APC: variants seen among roughly 807,000 people sequenced by gnomAD.
APC encodes the protein APC regulator of Wnt signaling pathway, also known as adenomatous polyposis coli protein.
APC carries 72 observed loss-of-function variants against 247.0 expected under a neutral mutation model. The observed-to-expected ratio is 0.29, with a 90% CI of 0.24 to 0.35. The LOEUF (loss-of-function observed/expected upper bound fraction) is 0.35. APC is among the 10% of genes least tolerant of loss of function. APC has a pLI of 1.00. For missense variants in APC, 3,400 were observed against 3,360.7 expected (o/e 1.01, Z -0.29); for synonymous variants, 1,254 against 1,162.5 (o/e 1.08, Z -1.60).
chr5:112,767,490 T>C, intron 4 of APC, 100 bp downstream of exon 4: 1 of 949,906 alleles, frequency 1.1e-6, no homozygotes. Context: ...AGGTGATAGC[T>C]AACACTTAGA....
At position 112,741,791 on chromosome 5, in the gene APC, C is replaced by A. The variant is rs900025577; in HGVS notation, c.-19+3866C>A. On this transcript the variant is annotated intron_variant, in intron 1 of 15. Transcript: ENST00000257430. The stretch of plus-strand genomic sequence containing the variant: ...ACTAACATGCCATTTTCCCCTCCCC[C>A]CAACCCTTGGCAACCACCACTCCAC... 1.3e-4 allele frequency among the ~76,000 whole-genome samples: 20 copies of A among 152,206 alleles called. No homozygotes were observed. In the South Asian group the frequency reaches 3.9e-3, roughly 30 times the overall value.
chr5:112,728,129 T>G (rs1341488686), intron 1 of APC, among the ~76,000 whole-genome samples: 9 of 151,978 alleles, frequency 5.9e-5, no homozygotes, highest in African/African-American at 2.2e-4. Context: ...TACTGTGTTT[T>G]TTGTTGTTGT....
At chr5:112,717,939 C>G (rs201244560) in intron 1 of APC, among the ~76,000 whole-genome samples, 3 of 46,566 alleles carry the variant, frequency 6.4e-5, no homozygotes, top group East Asian at 1.4e-3. Flanking sequence ...TTTTTTTTTG[C>G]TTCTTTTTGA....
chr5:112,774,618 A>G (rs942916907), intron 4 of APC, among the ~76,000 whole-genome samples: 1 of 151,490 alleles, frequency 6.6e-6, no homozygotes, highest in African/African-American at 2.4e-5. Flanking sequence ...GCACCACCAC[A>G]CCTGGCTAGT....
At chr5:112,781,664 T>A (rs1406817679) in intron 6 of APC, among the ~76,000 whole-genome samples, 1 of 152,208 alleles carries the variant, frequency 6.6e-6, no homozygotes, top group Non-Finnish European at 1.5e-5. Flanking sequence ...TTGTATTCTA[T>A]AAAACATATT....
chr5:112,771,953 A>G (rs770346308), intron 4 of APC, among the ~76,000 whole-genome samples: 14 of 152,220 alleles, frequency 9.2e-5, no homozygotes, highest in Non-Finnish European at 4.4e-5. Flanking sequence ...TAAAGTGATC[A>G]TGAGAATAAC....
chr5:112,772,940 C>G (rs1265209952), intron 4 of APC, among the ~76,000 whole-genome samples: 1 of 152,156 alleles, frequency 6.6e-6, no homozygotes, highest in Non-Finnish European at 1.5e-5. Flanking sequence ...CTAGGGAAAA[C>G]TGAAAAATAG....
At chr5:112,756,224 G>A (rs1338307536) in intron 2 of APC, among the ~76,000 whole-genome samples, 1 of 152,124 alleles carries the variant, frequency 6.6e-6, no homozygotes, top group East Asian at 1.9e-4. Flanking sequence ...CTTTGCTCAT[G>A]TGTCCTATTC....
chr5:112,810,811 G>A (rs1303849218), intron 8 of APC, among the ~76,000 whole-genome samples: 4 of 152,148 alleles, frequency 2.6e-5, no homozygotes, highest in African/African-American at 7.2e-5. Context: ...TCTTACTTGC[G>A]GTCAGGAGTT....
At chr5:112,804,270 T>C (rs1761133937) in intron 8 of APC, among the ~76,000 whole-genome samples, 1 of 152,246 alleles carries the variant, frequency 6.6e-6, no homozygotes, top group Non-Finnish European at 1.5e-5. Flanking sequence ...TTGTCTTCCT[T>C]CCTTCTTAAA....
intron 14 of APC, among the ~76,000 whole-genome samples, chr5:112,832,068 C>G (rs1764356473): frequency 6.6e-6 from 1 of 152,164 alleles, no homozygotes; most frequent in Non-Finnish European, 1.5e-5. Flanking sequence ...CTACCTTCAC[C>G]TGTATTTTAT....
At position 112,837,685 on chromosome 5, in the gene APC, A is replaced by C. The variant is rs541317651; in HGVS notation, c.2091A>C (p.Ala697=). The change falls in exon 16 of 16, where the codon GCA becomes GCC. Residue 697 remains alanine, a synonymous_variant. Transcript: ENST00000257430. The part of the protein sequence containing the change: ...LSARNPKDQE[A]LWDMGAVSML... ...CAAGAAATCCTAAAGACCAGGAAGC[A>C]TTATGGGACATGGGGGCAGTTAGCA... 1 of 1,614,216 alleles carries C rather than the reference A, an allele frequency of 6.2e-7. No homozygotes were observed. The highest frequency in any genetic ancestry group is 1.3e-5 in the African/African-American group (1 of 75,064).
intron 1 of APC, among the ~76,000 whole-genome samples, chr5:112,750,875 G>T (rs1703131921): frequency 6.6e-6 from 1 of 151,980 alleles, no homozygotes; most frequent in African/African-American, 2.4e-5. Context: ...GTTCCTTTTT[G>T]CAAGTTATCC....
rs375292291 is a variant in APC, at chr5:112,721,094, GA to G, written c.165+13213del. 4.2e-3 allele frequency among the ~76,000 whole-genome samples: 640 copies of G among 152,232 alleles called. 4 individuals carry two copies. The highest frequency in any genetic ancestry group is 0.015 in the African/African-American group (611 of 41,546). Reference sequence around the variant, plus strand: ...AATTTGGAGATAGTATAATGAACTAGAGGGGCAGGAGATACATTTTAAAGAC... The same window carrying G: ...AATTTGGAGATAGTATAATGAACTAGGGGGCAGGAGATACATTTTAAAGAC... On this transcript the variant is annotated intron_variant, in intron 1 of 13. Transcript: ENST00000507379.
In APC at chr5:112,838,125, C is replaced by A. The variant is rs1554084247; in HGVS notation, c.2531C>A (p.Ser844Tyr). 6.2e-7 allele frequency: 1 copy of A among 1,614,138 alleles called. No homozygotes were observed. The highest frequency in any genetic ancestry group is 8.5e-7 in the Non-Finnish European group (1 of 1,180,024). Residue 844 changes from serine to tyrosine, a missense_variant, in exon 16 of 16, where the codon TCT becomes TAT. Around this residue, in one of 9 missense-constraint regions of APC, gnomAD observed 715 missense variants for 656.6 expected, o/e 1.09. Coordinates refer to ENST00000257430, the MANE Select transcript of APC (RefSeq NM_000038.6). The stretch of plus-strand genomic sequence containing the variant: ...TCATCAAGAGGAAGCTTAGATAGTT[C>A]TCGTTCTGAAAAAGATAGAAGTTTG... ...SSSSRGSLDS[S>Y]RSEKDRSLER... is the part of the protein sequence containing the mutation.
At chr5:112,814,452 T>C (rs1391463379) in intron 8 of APC, among the ~76,000 whole-genome samples, 2 of 152,274 alleles carry the variant, frequency 1.3e-5, no homozygotes, top group East Asian at 3.9e-4. Flanking sequence ...GCTTGACACC[T>C]CCAAGTTGTC....
chr5:112,748,335 T>G (rs1753911331), intron 1 of APC, among the ~76,000 whole-genome samples: 4 of 152,074 alleles, frequency 2.6e-5, no homozygotes. Flanking sequence ...ATGGATGAGG[T>G]GAATTCTGCT....
At chr5:112,775,333 A>G (rs1757499778) in intron 4 of APC, among the ~76,000 whole-genome samples, 1 of 152,110 alleles carries the variant, frequency 6.6e-6, no homozygotes, top group East Asian at 1.9e-4. Flanking sequence ...TCTTTTACCT[A>G]TCATTATATT....
At chr5:112,764,125 A>C (rs547529122) in intron 2 of APC, among the ~76,000 whole-genome samples, 52 of 151,206 alleles carry the variant, frequency 3.4e-4, no homozygotes, top group African/African-American at 1.1e-3. Flanking sequence ...GGGAGCCTGT[A>C]GTCCCAGCTA....
Sources: allele counts gnomAD v4.1 joint callset (sites outside exome capture counted in the v4.1 genomes callset), GRCh38; gene constraint gnomAD v4.1.1; regional missense constraint gnomAD v4.1.1; transcripts MANE v1.5; gene names NCBI Gene and HGNC (gene_info 2026-07-23, HGNC 2026-07-21).